GPHN: variants seen among roughly 807,000 people sequenced by gnomAD.
GPHN encodes gephyrin.
GPHN carries 17 observed loss-of-function variants against 95.5 expected under a neutral mutation model. The observed-to-expected ratio is 0.18, with a 90% confidence interval of 0.12 to 0.27. The LOEUF is 0.27. GPHN is among the 10% of genes least tolerant of loss of function. The pLI, the probability that GPHN is intolerant of heterozygous loss-of-function variation, is 1.00. For missense variants in GPHN, 660 were observed against 978.1 expected (o/e 0.67, Z 4.34); for synonymous variants, 320 against 322.5 (o/e 0.99, Z 0.08).
intron 17 of GPHN, among the ~76,000 whole-genome samples, chr14:67,123,197 C>T (rs570014830): frequency 6.6e-6 from 1 of 152,364 alleles, no homozygotes; most frequent in South Asian, 2.1e-4. Flanking sequence ...TCCCCTTTCT[C>T]TCTTATCACT....
intron 13 of GPHN, among the ~76,000 whole-genome samples, chr14:67,109,235 G>A (rs987250319): frequency 2.0e-5 from 3 of 152,286 alleles, no homozygotes; most frequent in Admixed American, 6.5e-5. Context: ...CTATACTTAT[G>A]AGGCAGACAT....
the GPHN span, among the ~76,000 whole-genome samples, chr14:67,705,604 G>A: frequency 2.0e-5 from 3 of 152,298 alleles, no homozygotes; most frequent in South Asian, 6.2e-4. Flanking sequence ...GGTGAAATTA[G>A]AATAAAGCCA....
At chr14:66,557,170 G>A (rs1007277720) in intron 1 of GPHN, among the ~76,000 whole-genome samples, 2 of 152,014 alleles carry the variant, frequency 1.3e-5, no homozygotes, top group Admixed American at 1.3e-4. Flanking sequence ...TATGGCCACT[G>A]TACTCCAGCC....
intron 1 of GPHN, among the ~76,000 whole-genome samples, chr14:66,525,326 C>T (rs1799311729): frequency 1.3e-5 from 2 of 152,170 alleles, no homozygotes; most frequent in South Asian, 2.1e-4. Flanking sequence ...ATCCTTCACC[C>T]ACTTTTTGGT....
At chr14:67,079,234 G>GT (rs1490628294) in intron 11 of GPHN, among the ~76,000 whole-genome samples, 2 of 151,892 alleles carry the variant, frequency 1.3e-5, no homozygotes, top group Non-Finnish European at 2.9e-5. Context: ...AGTATTCAGT[G>GT]TTTTTAGTAT....
At chr14:67,281,810 A>T in the GPHN span, among the ~76,000 whole-genome samples, 5 of 146,860 alleles carry the variant, frequency 3.4e-5, no homozygotes, top group African/African-American at 1.2e-4. Flanking sequence ...ATTTCTCTTA[A>T]TTTTTTTTTT....
intron 11 of GPHN, among the ~76,000 whole-genome samples, chr14:67,063,050 T>G (rs1407404657): frequency 6.6e-6 from 1 of 152,212 alleles, no homozygotes; most frequent in Non-Finnish European, 1.5e-5. Flanking sequence ...TTTTATGGTT[T>G]TAGGTCTAAC....
rs1277822251 is a variant in GPHN at position 66,662,413 on chromosome 14, C to G, written c.65-18694C>G. Among the ~76,000 whole-genome samples the G allele has an allele frequency of 2.6e-5, 4 of 151,606 alleles. No homozygotes were observed. In the East Asian group the frequency reaches 5.8e-4, roughly 22 times the overall value. The stretch of plus-strand genomic sequence containing the variant: ...ACTAGGGACTAGAGCAGATGCCCAG[C>G]AAACCACAGCAGCCCTGTGAAAAGT... On this transcript the variant is annotated intron_variant, in intron 1 of 22. Transcript: ENST00000478722.
At chr14:67,193,541 ATATATCTATATATAGATC>A in the GPHN span, among the ~76,000 whole-genome samples, 2 of 144,474 alleles carry the variant, frequency 1.4e-5, no homozygotes, top group African/African-American at 2.5e-5. Flanking sequence ...CTATAGAAAT[ATATATCTATATATAGATC>A]TATATCTATA....
At chr14:66,845,612 G>C (rs2062288434) in intron 4 of GPHN, among the ~76,000 whole-genome samples, 2 of 152,136 alleles carry the variant, frequency 1.3e-5, no homozygotes, top group African/African-American at 4.8e-5. Flanking sequence ...TTTAAATGAA[G>C]ATGACTAAGA....
chr14:66,946,496 C>T (rs964297861), intron 8 of GPHN, among the ~76,000 whole-genome samples: 2 of 152,148 alleles, frequency 1.3e-5, no homozygotes, highest in African/African-American at 4.8e-5. Flanking sequence ...AACTCCACCT[C>T]CGGGGTTCAA....
the GPHN span, among the ~76,000 whole-genome samples, chr14:67,545,930 C>G: frequency 2.0e-5 from 3 of 149,892 alleles, no homozygotes; most frequent in African/African-American, 7.4e-5. Flanking sequence ...TTCAATTGAA[C>G]AAAAGCTCTG....
intron 2 of GPHN, among the ~76,000 whole-genome samples, chr14:66,727,994 T>C (rs1011040999): frequency 6.6e-6 from 1 of 152,134 alleles, no homozygotes; most frequent in Non-Finnish European, 1.5e-5. Context: ...GCTAGGCCCA[T>C]GGTCCCTGTA....
the GPHN span, among the ~76,000 whole-genome samples, chr14:67,193,954 C>CAAAAAAAAAACA: frequency 0.056 from 4,758 of 85,566 alleles, 141 homozygotes; most frequent in Non-Finnish European, 0.07. Flanking sequence ...CAAAAAAAAA[C>CAAAAAAAAAACA]AAAAAAAAAA....
At chr14:67,122,158 C>G in intron 16 of GPHN, 98 bp from the exon 17 acceptor site, 1 of 1,135,460 alleles carries the variant, frequency 8.8e-7, no homozygotes, top group South Asian at 1.2e-5. Context: ...ATTGTAGGTG[C>G]TAGATATGCT....
intron 3 of GPHN, among the ~76,000 whole-genome samples, chr14:66,796,088 T>A (rs934609281): frequency 2.0e-5 from 3 of 152,140 alleles, no homozygotes; most frequent in Non-Finnish European, 4.4e-5. Context: ...AGCAATGTTT[T>A]TCTTTCTGTG....
At chr14:66,577,412 A>G (rs774478159) in intron 1 of GPHN, among the ~76,000 whole-genome samples, 2 of 152,158 alleles carry the variant, frequency 1.3e-5, no homozygotes, top group Non-Finnish European at 2.9e-5. Context: ...TCTACCACAC[A>G]CCAGTGCTTC....
At chr14:67,054,734 A>G (rs1407678543) in intron 10 of GPHN, among the ~76,000 whole-genome samples, 1 of 152,226 alleles carries the variant, frequency 6.6e-6, no homozygotes, top group African/African-American at 2.4e-5. Context: ...AATAGATGGT[A>G]GTAGTACAAA....
chr14:67,573,484 C>A, the GPHN span: 1 of 839,700 alleles, frequency 1.2e-6, no homozygotes, highest in Non-Finnish European at 1.9e-6. The surrounding 1 kb of genome is among the most constrained non-coding windows in gnomAD (Gnocchi z 4.8). Flanking sequence ...TGGCCCAAGG[C>A]CAGAGGGCAA....
Sources: gnomAD v4.1 joint callset for allele counts (sites outside exome capture counted in the v4.1 genomes callset) on GRCh38, gnomAD v4.1.1 for gene constraint, Gnocchi (gnomAD v3.1) non-coding constraint, MANE v1.5 for transcripts, NCBI Gene and HGNC (gene_info 2026-07-23, HGNC 2026-07-21) for gene names.